Variants in DCC observed in about 807,000 individuals in gnomAD.
The protein encoded by DCC is DCC netrin 1 receptor.
In DCC, 58 loss-of-function variants were observed where a neutral mutation model predicts 172.5. That is an observed-to-expected ratio of 0.34 (90% CI 0.27 to 0.42). The LOEUF (loss-of-function observed/expected upper bound fraction) is 0.42, where lower values mean the gene tolerates loss of function less well. Among genes scored for constraint, DCC ranks in the 10% least tolerant of loss-of-function variants. The probability of loss-of-function intolerance (pLI) is 1.00; values close to 1 mark genes in which losing one functional copy is unlikely to be tolerated. For synonymous variants in DCC, 709 were observed against 644.5 expected (o/e 1.10, Z -1.52); for missense variants, 1,740 against 1,791.0 (o/e 0.97, Z 0.51).
intron 5 of DCC, among the ~76,000 whole-genome samples, chr18:52,968,821 A>G (rs2040976655): frequency 6.6e-6 from 1 of 152,194 alleles, no homozygotes; most frequent in Non-Finnish European, 1.5e-5. Context: ...TAAAATAGCT[A>G]CTTTTTAGTG....
chr18:52,872,228 A>G (rs865799759), intron 2 of DCC, among the ~76,000 whole-genome samples: 2 of 152,156 alleles, frequency 1.3e-5, no homozygotes, highest in South Asian at 2.1e-4. Context: ...ATGGCAAAAC[A>G]GGTTATGGGA....
At chr18:52,663,046 A>T (rs2035392637) in intron 1 of DCC, among the ~76,000 whole-genome samples, 1 of 152,236 alleles carries the variant, frequency 6.6e-6, no homozygotes, top group Non-Finnish European at 1.5e-5. Context: ...TACAAAAAAT[A>T]AAAGAATCAG....
chr18:53,419,014 G>T (rs1910478859), intron 21 of DCC, among the ~76,000 whole-genome samples: 1 of 152,108 alleles, frequency 6.6e-6, no homozygotes, highest in Non-Finnish European at 1.5e-5. Flanking sequence ...AGGCACAGGT[G>T]GCAAATAAGT....
intron 2 of DCC, among the ~76,000 whole-genome samples, chr18:52,814,791 G>T (rs918149540): frequency 6.6e-6 from 1 of 152,132 alleles, no homozygotes; most frequent in Non-Finnish European, 1.5e-5. Flanking sequence ...ATAAAATGAA[G>T]ATAGGATTAC....
chr18:52,956,822 G>A (rs1266336708), intron 5 of DCC, among the ~76,000 whole-genome samples: 2 of 151,990 alleles, frequency 1.3e-5, no homozygotes, highest in Non-Finnish European at 2.9e-5. Context: ...TTGTAAACAT[G>A]TTTTAATTAA....
At chr18:53,058,721 C>T (rs543059572) in intron 5 of DCC, among the ~76,000 whole-genome samples, 1 of 152,202 alleles carries the variant, frequency 6.6e-6, no homozygotes, top group South Asian at 2.1e-4. Context: ...TTCATGTTAG[C>T]CTGATAGAGC....
chr18:52,384,166 C>T (rs1476650954), intron 1 of DCC, among the ~76,000 whole-genome samples: 1 of 151,948 alleles, frequency 6.6e-6, no homozygotes, highest in Non-Finnish European at 1.5e-5. Context: ...TCAATAGCAG[C>T]CCAACACTGG....
At chr18:52,693,997 G>A (rs191606794) in intron 1 of DCC, among the ~76,000 whole-genome samples, 252 of 152,088 alleles carry the variant, frequency 1.7e-3, no homozygotes, top group African/African-American at 5.9e-3. Flanking sequence ...CATGGAAAGG[G>A]GATAAAACAG....
chr18:53,133,208 T>G (rs1018060404), intron 7 of DCC, among the ~76,000 whole-genome samples: 5 of 152,188 alleles, frequency 3.3e-5, no homozygotes, highest in African/African-American at 1.2e-4. Context: ...GCACAGCTGT[T>G]CTCACTGGTC....
rs142999006 is a variant in DCC, at chr18:53,280,946, A to G, written c.1912-24632A>G. 6.6e-5 allele frequency among the ~76,000 whole-genome samples: 10 copies of G among 152,242 alleles called. No homozygotes were observed. In the East Asian group the frequency reaches 1.9e-3, roughly 29 times the overall value. On this transcript the variant is annotated intron_variant, in intron 12 of 28. Coordinates refer to ENST00000442544, the MANE Select transcript of DCC (RefSeq NM_005215.4). ...TTGTAATTTCAGGTTAAATATTAATATGTATTTATATAGAGAAAAAGTAGC... is the reference window on the plus strand; with the variant it reads ...TTGTAATTTCAGGTTAAATATTAATGTGTATTTATATAGAGAAAAAGTAGC...
chr18:52,451,491 C>T (rs999190869), intron 1 of DCC, among the ~76,000 whole-genome samples: 7 of 152,272 alleles, frequency 4.6e-5, no homozygotes, highest in African/African-American at 1.7e-4. Context: ...GTTAAACCAG[C>T]TCACAGCAGT....
At chr18:53,278,949 A>G (rs551080497) in intron 12 of DCC, among the ~76,000 whole-genome samples, 89 of 152,272 alleles carry the variant, frequency 5.8e-4, no homozygotes, top group African/African-American at 1.8e-3. Flanking sequence ...GCTGGGTCAA[A>G]TGGTATTTCT....
intron 1 of DCC, among the ~76,000 whole-genome samples, chr18:52,652,382 C>G (rs1568275776): frequency 6.6e-6 from 1 of 152,170 alleles, no homozygotes; most frequent in African/African-American, 2.4e-5. Context: ...ACTCCCTGAT[C>G]CTTTTCTTGC....
intron 5 of DCC, among the ~76,000 whole-genome samples, chr18:53,019,708 C>T (rs903665183): frequency 6.6e-6 from 1 of 152,108 alleles, no homozygotes; most frequent in African/African-American, 2.4e-5. Context: ...GACCATGGAT[C>T]AAATTCAGCT....
At chr18:53,133,371 G>A (rs1465728505) in intron 7 of DCC, among the ~76,000 whole-genome samples, 4 of 152,132 alleles carry the variant, frequency 2.6e-5, no homozygotes, top group African/African-American at 7.2e-5. Context: ...TCCAAGTACT[G>A]TTTTAGTTTT....
chr18:52,659,854 G>T (rs749179111), intron 1 of DCC, among the ~76,000 whole-genome samples: 1 of 151,992 alleles, frequency 6.6e-6, no homozygotes, highest in East Asian at 1.9e-4. Context: ...GATAACAGGA[G>T]CAGACGAGGG....
intron 5 of DCC, among the ~76,000 whole-genome samples, chr18:52,948,148 T>C (rs1413414844): frequency 1.3e-5 from 2 of 152,208 alleles, no homozygotes; most frequent in Non-Finnish European, 2.9e-5. Context: ...TCAGGATATA[T>C]ATTTTCAGTG....
At chr18:52,403,924 A>G (rs967120132) in intron 1 of DCC, among the ~76,000 whole-genome samples, 1 of 152,098 alleles carries the variant, frequency 6.6e-6, no homozygotes, top group African/African-American at 2.4e-5. Context: ...CTGTGTCACT[A>G]GACATTATGT....
chr18:52,870,903 T>G (rs564208641), intron 2 of DCC, among the ~76,000 whole-genome samples: 1 of 152,224 alleles, frequency 6.6e-6, no homozygotes, highest in African/African-American at 2.4e-5. Context: ...TTAGGCTCGC[T>G]CTTTACTGCA....
Sources: allele counts gnomAD v4.1 joint callset (sites outside exome capture counted in the v4.1 genomes callset), GRCh38; gene constraint gnomAD v4.1.1; transcripts MANE v1.5; gene names NCBI Gene and HGNC (gene_info 2026-07-23, HGNC 2026-07-21).